ABCA13: variants seen among roughly 807,000 people sequenced by gnomAD.
The protein encoded by ABCA13 is ATP-binding cassette sub-family A member 13.
In ABCA13, 476 loss-of-function variants were observed where a neutral mutation model predicts 478.7. That is an observed-to-expected ratio of 0.99 (90% CI 0.92 to 1.07). The LOEUF (loss-of-function observed/expected upper bound fraction) is 1.07. ABCA13 is among the 50% of genes least tolerant of loss of function. ABCA13 has a pLI of 0.00. For missense variants in ABCA13, 6,060 were observed against 5,910.6 expected, an observed-to-expected ratio of 1.03 and a Z score of -0.83; for synonymous variants, 2,252 against 2,158.9, an observed-to-expected ratio of 1.04 and a Z score of -1.20.
chr7:48,615,677 G>A (rs1792500471), intron 59 of ABCA13, among the ~76,000 whole-genome samples: 1 of 152,178 alleles, frequency 6.6e-6, no homozygotes, highest in Non-Finnish European at 1.5e-5. Context: ...GCAGAGTCAA[G>A]ATGATGACAG....
At chr7:48,172,396 G>A (rs1562693816) in intron 1 of ABCA13, among the ~76,000 whole-genome samples, 1 of 149,160 alleles carries the variant, frequency 6.7e-6, no homozygotes, top group Non-Finnish European at 1.5e-5. Context: ...CTCCGAGCCA[G>A]AATATTCTAT....
rs202227763 is a variant in ABCA13, at chr7:48,212,739, G to GAA, written c.288-6613_288-6612dup. ...ATTGGCCATTTCAATATTTTTTGAG[G>GAA]AAAGTGTCTGTTTAAATATTTTATG... is the stretch of plus-strand genomic sequence containing the variant. On this transcript the variant is annotated intron_variant, in intron 3 of 61. Transcript: ENST00000435803. 9.3e-3 allele frequency among the ~76,000 whole-genome samples: 1,412 copies of GAA among 152,054 alleles called. 10 individuals are homozygous for GAA. Among genetic ancestry groups the GAA allele is most frequent in the Non-Finnish European group, 0.015 (998 of 67,976 alleles).
rs369606300 is a variant in ABCA13 at position 48,570,386 on chromosome 7, G to A, written c.14355-9838G>A. On this transcript the variant is annotated intron_variant, in intron 55 of 61. Coordinates refer to ENST00000435803, the MANE Select transcript of ABCA13 (RefSeq NM_152701.5). ...GTCGCCCAGGCTGGAGTGCAGTGGC[G>A]CAATCTTGGCTCACTGCAAGCTCTG... 1.9e-4 allele frequency among the ~76,000 whole-genome samples: 27 copies of A among 143,166 alleles called. 1 individual carries two copies. The South Asian group carries it at 3.4e-3, about 18-fold the overall frequency. 93.9% of individuals were successfully genotyped at this position (143,166 alleles called of 152,430 possible).
chr7:48,174,838 T>C (rs773169104), intron 1 of ABCA13, among the ~76,000 whole-genome samples: 43 of 152,380 alleles, frequency 2.8e-4, no homozygotes, highest in African/African-American at 8.9e-4. Context: ...TCTTATTTAA[T>C]GGTTTTATTG....
At chr7:48,174,335 A>G (rs1392867425) in intron 1 of ABCA13, among the ~76,000 whole-genome samples, 1 of 152,186 alleles carries the variant, frequency 6.6e-6, no homozygotes, top group Non-Finnish European at 1.5e-5. Context: ...ATAGATGTAC[A>G]TAGTGTCAGC....
intron 58 of ABCA13, among the ~76,000 whole-genome samples, chr7:48,599,633 A>G (rs1790674506): frequency 6.6e-6 from 1 of 152,212 alleles, no homozygotes; most frequent in African/African-American, 2.4e-5. Context: ...AAGCAATCCC[A>G]TTACTGAGTA....
At chr7:48,277,367 C>T (rs568351279) in intron 17 of ABCA13, among the ~76,000 whole-genome samples, 62 of 152,302 alleles carry the variant, frequency 4.1e-4, no homozygotes, top group African/African-American at 1.4e-3. Flanking sequence ...GGTTTTGTGC[C>T]TCTAAGTTAC....
intron 43 of ABCA13, among the ~76,000 whole-genome samples, chr7:48,456,384 A>T (rs763576614): frequency 1.3e-5 from 2 of 152,238 alleles, no homozygotes; most frequent in Non-Finnish European, 2.9e-5. Context: ...CCTCCTTGTC[A>T]CACTCCTCAA....
chr7:48,479,289 G>A (rs1828504568), intron 45 of ABCA13, among the ~76,000 whole-genome samples: 2 of 152,010 alleles, frequency 1.3e-5, no homozygotes, highest in African/African-American at 4.8e-5. Context: ...CCAGGCTGGA[G>A]TGCAGTGGTG....
At chr7:48,352,905 C>G (rs947560425) in intron 31 of ABCA13, among the ~76,000 whole-genome samples, 13 of 151,940 alleles carry the variant, frequency 8.6e-5, no homozygotes, top group African/African-American at 3.2e-4. Context: ...GGATTCCATA[C>G]AGGCCTTGAC....
chr7:48,208,364 G>A (rs937073556), intron 3 of ABCA13, among the ~76,000 whole-genome samples: 19 of 151,986 alleles, frequency 1.3e-4, no homozygotes, highest in African/African-American at 4.6e-4. Flanking sequence ...TTTTCATAGC[G>A]ATTGCATTGA....
At chr7:48,490,411 G>A (rs558876360) in intron 48 of ABCA13, among the ~76,000 whole-genome samples, 3 of 152,196 alleles carry the variant, frequency 2.0e-5, no homozygotes, top group East Asian at 1.9e-4. Flanking sequence ...AGAAAACATC[G>A]CCTATCAGCT....
At chr7:48,227,097 G>A (rs1788323460) in intron 5 of ABCA13, among the ~76,000 whole-genome samples, 165 bp from the exon 6 acceptor site, 1 of 151,740 alleles carries the variant, frequency 6.6e-6, no homozygotes, top group Non-Finnish European at 1.5e-5. Context: ...TTTTAACATT[G>A]TGTTCAGCAG....
intron 55 of ABCA13, among the ~76,000 whole-genome samples, chr7:48,541,982 C>A (rs1053595510): frequency 6.7e-6 from 1 of 150,334 alleles, no homozygotes; most frequent in African/African-American, 2.4e-5. Context: ...GAAAACAAAA[C>A]AAAACTGTAT....
intron 19 of ABCA13, among the ~76,000 whole-genome samples, chr7:48,285,664 C>T (rs1463341201): frequency 6.6e-6 from 1 of 152,228 alleles, no homozygotes; most frequent in Non-Finnish European, 1.5e-5. Context: ...CACAGCTTGC[C>T]TGATGCCATA....
In ABCA13 at chr7:48,341,856, G is replaced by GAT. The variant is rs66686757; in HGVS notation, c.10204+3416_10204+3417dup. Among the ~76,000 whole-genome samples the GAT allele has an allele frequency of 3.6e-3, 84 of 23,582 alleles. 2 individuals carry two copies. Among genetic ancestry groups the GAT allele is most frequent in the African/African-American group, 0.011 (78 of 7,306 alleles). 15.5% of individuals were successfully genotyped at this position (23,582 alleles called of 152,430 possible). On this transcript the variant is annotated intron_variant, in intron 29 of 61. Transcript: ENST00000435803. The stretch of plus-strand genomic sequence containing the variant: ...CTGATATATATATATATATCTTTCT[G>GAT]ATATATATATATATATCTTTCTGAT...
chr7:48,272,750 T>C lies in ABCA13; in HGVS notation c.3084T>C (p.Ser1028=), dbSNP rs569246984. The C allele has an allele frequency of 5.0e-6, 8 of 1,608,968 alleles. No individual in the cohort carries two copies. In the African/African-American group the frequency reaches 9.3e-5, roughly 19 times the overall value. ...TTCTTGGGGGAATTTCTAATGTATC[T>C]TACTGTCAGCAATTGCTTTCAATTT... ...AEVLGGISNV[S]YCQQLLSIFN... The change falls in exon 17 of 62, where the codon TCT becomes TCC. Residue 1028 remains serine (S), a synonymous_variant. Transcript: ENST00000435803.
In ABCA13 at chr7:48,528,351, A is replaced by T; in HGVS notation, c.14354+6A>T. The T allele has an allele frequency of 6.6e-7, 1 of 1,524,670 alleles. No homozygotes were observed. The highest frequency in any genetic ancestry group is 1.3e-5 in the South Asian group (1 of 78,330). 94.4% of individuals were successfully genotyped at this position (1,524,670 alleles called of 1,614,324 possible). The stretch of plus-strand genomic sequence containing the variant: ...ATCATCAGGACTCCCATGGGGTAAG[A>T]TACAGATTTCATCATTTTTGTTGCT... On this transcript the variant is annotated splice_donor_region_variant and intron_variant, in intron 55 of 61. Transcript: ENST00000435803.
At chr7:48,373,386 A>G (rs529324748) in intron 33 of ABCA13, among the ~76,000 whole-genome samples, 133 of 152,336 alleles carry the variant, frequency 8.7e-4, no homozygotes, top group African/African-American at 2.6e-3. Flanking sequence ...GGCCTAGAGT[A>G]AAATATTTCT....
Sources: gnomAD v4.1 joint callset for allele counts (sites outside exome capture counted in the v4.1 genomes callset) on GRCh38, gnomAD v4.1.1 for gene constraint, MANE v1.5 for transcripts, NCBI Gene and HGNC (gene_info 2026-07-23, HGNC 2026-07-21) for gene names.